PLAUR: variants seen among roughly 807,000 people sequenced by gnomAD.
PLAUR encodes the protein urokinase plasminogen activator surface receptor.
In PLAUR, 22 loss-of-function variants were observed where a neutral mutation model predicts 33.4. The observed-to-expected ratio is 0.66, with a 90% CI of 0.47 to 0.94. The LOEUF (loss-of-function observed/expected upper bound fraction) is 0.94, where lower values mean the gene tolerates loss of function less well. Among genes scored for constraint, PLAUR ranks in the 40% least tolerant of loss-of-function variants. The probability of loss-of-function intolerance (pLI) is 0.00; values close to 1 mark genes in which losing one functional copy is unlikely to be tolerated. For synonymous variants in PLAUR, 148 were observed against 167.3 expected (o/e 0.88, Z 0.89); for missense variants, 408 against 434.7 (o/e 0.94, Z 0.55).
In PLAUR at chr19:43,652,739, C is replaced by T. The variant is rs570822356; in HGVS notation, c.608-368G>A. Reference sequence around the variant, plus strand: ...AATTGTAGCTCACTGCAGCCTCGACCACCCCGGCTCAAGAGATTCTTCCAC... The same window carrying T: ...AATTGTAGCTCACTGCAGCCTCGACTACCCCGGCTCAAGAGATTCTTCCAC... On this transcript the variant is annotated intron_variant, in intron 5 of 6. Transcript: ENST00000340093. Among the ~76,000 whole-genome samples, 9 of 152,278 alleles carry T rather than the reference C, an allele frequency of 5.9e-5. No individual in the cohort carries two copies. The East Asian group carries it at 9.6e-4, about 16-fold the overall frequency.
intron 6 of PLAUR, among the ~76,000 whole-genome samples, chr19:43,650,018 G>GTT (rs60220696): frequency 1.4e-5 from 2 of 138,882 alleles, no homozygotes; most frequent in Non-Finnish European, 3.0e-5. Flanking sequence ...CTTTTTTTTT[G>GTT]TTTTTTTTTT....
Position 43,655,489 on chromosome 19 carries a change from G to A in PLAUR, c.557C>T (p.Thr186Ile). The change falls in exon 5 of 7, where the codon ACC becomes ATC. Residue 186 changes from threonine (T) to isoleucine (I), a missense_variant. Transcript: ENST00000340093. Reference protein sequence around the residue: ...PGSNGFHNNDTFHFLKCCNTT... With the variant: ...PGSNGFHNNDIFHFLKCCNTT... The stretch of plus-strand genomic sequence containing the variant: ...GTTGCAGCATTTCAGGAAGTGGAAG[G>A]TGTCGTTGTTGTGGAAACCATTGGA... 1 of 1,614,234 alleles carries A rather than the reference G, an allele frequency of 6.2e-7. No individual in the cohort carries two copies. The highest frequency in any genetic ancestry group is 8.5e-7 in the Non-Finnish European group (1 of 1,180,042).
At chr19:43,659,130 A>C (rs554824292) in intron 3 of PLAUR, among the ~76,000 whole-genome samples, 1 of 146,640 alleles carries the variant, frequency 6.8e-6, no homozygotes, top group Non-Finnish European at 1.5e-5. Context: ...GTAAATGCCA[A>C]TGATCCTTAG....
intron 6 of PLAUR, among the ~76,000 whole-genome samples, chr19:43,649,672 AGAAG>A (rs200926462): frequency 0.018 from 2,672 of 150,550 alleles, 37 homozygotes; most frequent in Middle Eastern, 0.031. Flanking sequence ...GAGAAGGGAA[AGAAG>A]GAAGGAAGGG....
intron 5 of PLAUR, among the ~76,000 whole-genome samples, chr19:43,652,967 T>C (rs147980437): frequency 6.6e-6 from 1 of 151,980 alleles, no homozygotes; most frequent in African/African-American, 2.4e-5. Context: ...TACAAGTTAT[T>C]ACTATTATTA....
At chr19:43,669,097 C>T (rs2146299102) in intron 1 of PLAUR, among the ~76,000 whole-genome samples, 1 of 149,936 alleles carries the variant, frequency 6.7e-6, no homozygotes, top group East Asian at 1.9e-4. Context: ...GGTTATTCAT[C>T]GCGGCCCCAA....
chr19:43,668,542 C>T (rs1967371562), intron 1 of PLAUR, among the ~76,000 whole-genome samples: 1 of 151,418 alleles, frequency 6.6e-6, no homozygotes, highest in South Asian at 2.1e-4. Context: ...CATAACTCCG[C>T]CCCAGTCCCT....
Position 43,652,192 on chromosome 19 carries a change from A to G in PLAUR, c.754+33T>C, listed in dbSNP as rs1249224298. On this transcript the variant is annotated intron_variant, in intron 6 of 6. Coordinates refer to ENST00000340093, the MANE Select transcript of PLAUR (RefSeq NM_002659.4). ...CTTGCGGAACTCTCCACCCCCAATA[A>G]GTGTTCCCTCCCAGCCTCGGAGAGG... The G allele has an allele frequency of 2.5e-6, 4 of 1,611,432 alleles. No individual in the cohort carries two copies. In the African/African-American group the frequency reaches 4.0e-5, roughly 16 times the overall value.
intron 1 of PLAUR, chr19:43,668,004 T>C (rs1967335867): frequency 8.4e-7 from 1 of 1,191,814 alleles, no homozygotes; most frequent in Non-Finnish European, 1.1e-6. Context: ...GCCCTCTCTA[T>C]CAGTACGTTC....
intron 1 of PLAUR, among the ~76,000 whole-genome samples, chr19:43,669,784 C>A (rs1276181138): frequency 7.2e-5 from 10 of 138,310 alleles, no homozygotes; most frequent in African/African-American, 2.7e-4. Context: ...TGCACTCCAG[C>A]CTGGGCGACA....
downstream of PLAUR, among the ~76,000 whole-genome samples, chr19:43,648,296 C>T (rs1476691102): frequency 2.0e-5 from 3 of 152,094 alleles, no homozygotes; most frequent in Non-Finnish European, 4.4e-5. Flanking sequence ...CTGCCTCAGC[C>T]TCCCGAATAG....
chr19:43,660,176 T>TTTGTTTTG (rs1165620961), intron 3 of PLAUR, among the ~76,000 whole-genome samples: 1 of 151,882 alleles, frequency 6.6e-6, no homozygotes, highest in Non-Finnish European at 1.5e-5. Flanking sequence ...TTTGTTTTGT[T>TTTGTTTTG]TTGTTTTGAG....
downstream of PLAUR, among the ~76,000 whole-genome samples, chr19:43,648,137 T>G (rs974979520): frequency 7.9e-5 from 12 of 152,040 alleles, no homozygotes; most frequent in African/African-American, 2.9e-4. Flanking sequence ...TTTCTGGTTA[T>G]GCTGATGGTA....
Position 43,648,753 on chromosome 19 carries a change from C to T in PLAUR, c.*137G>A. 3 of 1,043,390 alleles carry T rather than the reference C, an allele frequency of 2.9e-6. No homozygotes were observed. Among genetic ancestry groups the T allele is most frequent in the Non-Finnish European group, 4.2e-6 (3 of 720,426 alleles). 64.6% of individuals were successfully genotyped at this position (1,043,390 alleles called of 1,614,324 possible). ...CACAACTTTGTGAGATAGCTGTTTTCATAGCTGGGAAAACTGAGGCCCAGA... is the reference window on the plus strand; with the variant it reads ...CACAACTTTGTGAGATAGCTGTTTTTATAGCTGGGAAAACTGAGGCCCAGA... On this transcript the variant is annotated 3_prime_UTR_variant, in exon 7 of 7. Transcript: ENST00000340093.
downstream of PLAUR, chr19:43,648,490 C>T: frequency 1.3e-6 from 1 of 778,848 alleles, no homozygotes; most frequent in Non-Finnish European, 1.6e-6. Flanking sequence ...TCAAACATGA[C>T]CCCTGATTCC....
At chr19:43,667,288 A>T in intron 2 of PLAUR, 3 of 448,172 alleles carry the variant, frequency 6.7e-6, no homozygotes, top group South Asian at 2.6e-5. Flanking sequence ...CATGGCGAGG[A>T]GTTGAGCTGT....
At chr19:43,665,585 C>T in intron 2 of PLAUR, 126 bp from the exon 3 acceptor site, 1 of 902,372 alleles carries the variant, frequency 1.1e-6, no homozygotes, top group South Asian at 1.8e-5. Context: ...TTATTTGAGT[C>T]GAACTCTGTC....
At chr19:43,666,194 C>T (rs925997066) in intron 2 of PLAUR, among the ~76,000 whole-genome samples, 8 of 152,128 alleles carry the variant, frequency 5.3e-5, no homozygotes, top group Non-Finnish European at 1.0e-4. Context: ...TCCTGAGTAG[C>T]TAGGGGTACA....
chr19:43,648,433 A>T (rs4251925), downstream of PLAUR: 19,562 of 182,624 alleles, frequency 0.11, 2,149 homozygotes, highest in African/African-American at 0.3. Context: ...GTCCAGAAAT[A>T]GATGTGGAGG....
Sources: allele counts gnomAD v4.1 joint callset (sites outside exome capture counted in the v4.1 genomes callset), GRCh38; gene constraint gnomAD v4.1.1; transcripts MANE v1.5; gene names NCBI Gene and HGNC (gene_info 2026-07-23, HGNC 2026-07-21).